Variants in PTGER3 observed in about 807,000 individuals in gnomAD.
PTGER3 encodes prostaglandin E receptor 3.
Under a neutral mutation model 34.7 loss-of-function variants are expected in PTGER3, and 22 were observed. The ratio of observed to expected loss-of-function variants is 0.63; its 90% CI spans 0.45 to 0.91. PTGER3 has a LOEUF of 0.91. Among genes scored for constraint, PTGER3 ranks in the 40% least tolerant of loss-of-function variants. The pLI is 0.00. For missense variants in PTGER3, 468 were observed against 519.4 expected (o/e 0.90, Z 0.96); for synonymous variants, 241 against 230.1 (o/e 1.05, Z -0.43).
intron 1 of PTGER3, among the ~76,000 whole-genome samples, chr1:71,030,124 A>G (rs1479081271): frequency 1.3e-5 from 2 of 152,066 alleles, no homozygotes; most frequent in Non-Finnish European, 2.9e-5. Context: ...ACTGAAGGTA[A>G]GGATGCTGGG....
chr1:71,008,878 T>A (rs1329913496), intron 2 of PTGER3: 1 of 964,718 alleles, frequency 1.0e-6, no homozygotes, highest in Non-Finnish European at 1.2e-6. Context: ...ATAAATACTC[T>A]GTAGTCTCCC....
intron 4 of PTGER3, among the ~76,000 whole-genome samples, chr1:70,940,570 A>T (rs1572706759): frequency 6.6e-6 from 1 of 152,160 alleles, no homozygotes; most frequent in South Asian, 2.1e-4. Flanking sequence ...TCATGGCAGG[A>T]GGTGGAAGAC....
At chr1:70,869,771 G>A (rs964076180) in intron 4 of PTGER3, among the ~76,000 whole-genome samples, 5 of 152,192 alleles carry the variant, frequency 3.3e-5, no homozygotes, top group African/African-American at 4.8e-5. Context: ...AGTGGTGCAA[G>A]GTGTGAGCTC....
intron 2 of PTGER3, among the ~76,000 whole-genome samples, chr1:70,965,283 G>A (rs596829): frequency 0.14 from 20,821 of 151,874 alleles, 2,245 homozygotes; most frequent in African/African-American, 0.29. Context: ...AGAAAAAAAA[G>A]CAGATTTTCA....
intron 1 of PTGER3, among the ~76,000 whole-genome samples, chr1:71,021,018 C>T (rs1658367906): frequency 6.6e-6 from 1 of 152,014 alleles, no homozygotes; most frequent in Admixed American, 6.6e-5. Flanking sequence ...GGCACTCACA[C>T]TATTGCAGAT....
chr1:71,046,723 C>A lies in PTGER3; in HGVS notation c.855G>T (p.Met285Ile). 2 of 1,608,448 alleles carry A rather than the reference C, an allele frequency of 1.2e-6. No homozygotes were observed. The highest frequency in any genetic ancestry group is 8.5e-7 in the Non-Finnish European group (1 of 1,177,322). ...AGACCGACAGCACGCACATGATCCC[C>A]ATAAGCTGAATGGCCGTCTCGGTCG... ...RITTETAIQL[M>I]GIMCVLSVCW... The change falls in exon 1 of 4, where the codon ATG becomes ATT. Residue 285 changes from methionine (M) to isoleucine (I), a missense_variant. This residue lies in a region of PTGER3 where 204 missense variants were observed against 230.8 expected (regional missense o/e 0.88). Transcript: ENST00000306666.
chr1:71,046,234 C>G (rs949111124), intron 1 of PTGER3, among the ~76,000 whole-genome samples: 98 of 133,074 alleles, frequency 7.4e-4, no homozygotes, highest in African/African-American at 2.5e-3. Context: ...TGCAGTGAGC[C>G]GAGGCTGCGC....
At chr1:70,927,040 C>T (rs1158322180) in intron 4 of PTGER3, among the ~76,000 whole-genome samples, 9 of 152,262 alleles carry the variant, frequency 5.9e-5, no homozygotes, top group African/African-American at 2.2e-4. Flanking sequence ...CCCACTTGAT[C>T]GTGGTGGATA....
intron 4 of PTGER3, among the ~76,000 whole-genome samples, chr1:70,917,957 G>A (rs2100426393): frequency 6.6e-6 from 1 of 152,060 alleles, no homozygotes; most frequent in Non-Finnish European, 1.5e-5. Context: ...TTAATGCCTT[G>A]TCAGGTGTAT....
At chr1:70,855,640 G>T (rs754371743) in intron 4 of PTGER3, among the ~76,000 whole-genome samples, 39 of 152,040 alleles carry the variant, frequency 2.6e-4, no homozygotes, top group Admixed American at 6.6e-5. Context: ...TAGGGAAAAA[G>T]AAATTTGAAA....
rs1292078524 is a variant in PTGER3, at chr1:70,873,794, C to T, written c.*24-20935G>A. On this transcript the variant is annotated intron_variant, in intron 4 of 4. Transcript: ENST00000370931. ...TCCTGAGTAGCTGGGATTACAGGCA[C>T]GCACCAGCATGCCTGGCTAATTTTT... 5.3e-5 allele frequency among the ~76,000 whole-genome samples: 8 copies of T among 151,852 alleles called. No individual in the cohort carries two copies. In the South Asian group the frequency reaches 6.2e-4, roughly 12 times the overall value.
intron 4 of PTGER3, chr1:70,865,817 G>T (rs1479709756): frequency 1.5e-6 from 2 of 1,362,772 alleles, no homozygotes; most frequent in South Asian, 2.3e-5. Context: ...CACAGTAGAG[G>T]TGGGAAGAAG....
At chr1:70,998,116 G>A (rs1656147077) in intron 2 of PTGER3, among the ~76,000 whole-genome samples, 1 of 152,230 alleles carries the variant, frequency 6.6e-6, no homozygotes, top group Admixed American at 6.5e-5. Context: ...TATTTAATGT[G>A]ACACTCCTTC....
intron 2 of PTGER3, among the ~76,000 whole-genome samples, chr1:71,003,572 T>G (rs1010304628): frequency 6.6e-6 from 1 of 152,190 alleles, no homozygotes; most frequent in Non-Finnish European, 1.5e-5. Flanking sequence ...TGTTTTGGGG[T>G]GAGTAACCTA....
intron 4 of PTGER3, among the ~76,000 whole-genome samples, chr1:70,924,290 A>G (rs535836618): frequency 6.6e-6 from 1 of 152,324 alleles, no homozygotes; most frequent in Non-Finnish European, 1.5e-5. Context: ...GCCAAATATA[A>G]TAAAGCAAAT....
chr1:70,882,843 CTG>C (rs1646419882), intron 4 of PTGER3, among the ~76,000 whole-genome samples: 1 of 152,198 alleles, frequency 6.6e-6, no homozygotes, highest in South Asian at 2.1e-4. Context: ...TCTCTCTGCT[CTG>C]TGTCCCCTGC....
chr1:70,964,819 T>A (rs116256509), intron 2 of PTGER3, among the ~76,000 whole-genome samples: 58 of 152,342 alleles, frequency 3.8e-4, no homozygotes, highest in Middle Eastern at 6.8e-3. Context: ...TTGTTGCATA[T>A]CTTCTTTCCG....
chr1:71,008,887 C>T (rs1478400081), intron 2 of PTGER3: 2 of 968,694 alleles, frequency 2.1e-6, no homozygotes, highest in African/African-American at 1.8e-5. Context: ...CTGTAGTCTC[C>T]CTGTGTCATT....
chr1:70,924,089 G>C (rs1021434588), intron 4 of PTGER3, among the ~76,000 whole-genome samples: 2 of 151,938 alleles, frequency 1.3e-5, no homozygotes, highest in Non-Finnish European at 2.9e-5. Context: ...AAGTTATCTT[G>C]GGACCTCAAA....
Sources: allele counts gnomAD v4.1 joint callset (sites outside exome capture counted in the v4.1 genomes callset), GRCh38; gene constraint gnomAD v4.1.1; regional missense constraint gnomAD v4.1.1; transcripts MANE v1.5; gene names NCBI Gene and HGNC (gene_info 2026-07-23, HGNC 2026-07-21).